GPR89B: variants seen among roughly 807,000 people sequenced by gnomAD.
GPR89B encodes the protein golgi pH regulator B.
In GPR89B, 25 loss-of-function variants were observed where a neutral mutation model predicts 52.4. The ratio of observed to expected loss-of-function variants is 0.48; its 90% CI spans 0.35 to 0.67. The LOEUF is 0.67. Among genes scored for constraint, GPR89B ranks in the 30% least tolerant of loss-of-function variants. The pLI is 0.01. For synonymous variants in GPR89B, 52 were observed against 151.2 expected, an observed-to-expected ratio of 0.34 and a Z score of 4.81; for missense variants, 146 against 450.2, an observed-to-expected ratio of 0.32 and a Z score of 6.11.
chr1:148,000,088 C>G, the GPR89B span, among the ~76,000 whole-genome samples: 1 of 152,110 alleles, frequency 6.6e-6, no homozygotes, highest in Non-Finnish European at 1.5e-5. Flanking sequence ...CAAATCAGGT[C>G]TCACCATGTG....
At chr1:147,970,569 C>A (rs782274888) in intron 10 of GPR89B, among the ~76,000 whole-genome samples, 23,396 of 140,992 alleles carry the variant, frequency 0.17, 1,974 homozygotes, top group South Asian at 0.27. Context: ...CTCTCTCTCT[C>A]TATATATATA....
At chr1:148,012,814 A>G in the GPR89B span, among the ~76,000 whole-genome samples, 8 of 148,876 alleles carry the variant, frequency 5.4e-5, no homozygotes, top group Non-Finnish European at 1.5e-5. Context: ...ATCTCATTAA[A>G]AGTGTATACA....
chr1:147,949,005 A>G lies in GPR89B; in HGVS notation c.416-4340A>G, dbSNP rs200402547. ...TTCAAGCATCTGTTTAACAAAGCAC[A>G]TCTTGCACCACCATTAATCCATTTA... On this transcript the variant is annotated intron_variant, in intron 5 of 13. Transcript: ENST00000314163. 1.6e-3 allele frequency among the ~76,000 whole-genome samples: 237 copies of G among 152,198 alleles called. 1 individual carries two copies. In the East Asian group the frequency reaches 0.034, roughly 22 times the overall value.
the GPR89B span, chr1:148,001,474 CCT>C: frequency 1.6e-5 from 11 of 706,400 alleles, no homozygotes; most frequent in Non-Finnish European, 2.4e-5. Context: ...AAGCCAGCCT[CCT>C]CTGCTGGACT....
the GPR89B span, among the ~76,000 whole-genome samples, chr1:148,017,766 A>AAAATAAAATG: frequency 2.0e-5 from 3 of 150,752 alleles, no homozygotes; most frequent in African/African-American, 4.9e-5. Context: ...AAAATAAAAT[A>AAAATAAAATG]AAATAAAATA....
chr1:147,929,588 C>T (rs1653360160), intron 1 of GPR89B, among the ~76,000 whole-genome samples: 1 of 152,128 alleles, frequency 6.6e-6, no homozygotes, highest in Non-Finnish European at 1.5e-5. Flanking sequence ...TCTCAAACGG[C>T]AAATAACAGA....
intron 10 of GPR89B, among the ~76,000 whole-genome samples, chr1:147,983,414 T>G (rs1658416332): frequency 6.6e-6 from 1 of 152,064 alleles, no homozygotes; most frequent in Non-Finnish European, 1.5e-5. Flanking sequence ...AGAAAATTTT[T>G]GCAACCTACT....
the GPR89B span, among the ~76,000 whole-genome samples, chr1:148,013,826 G>C: frequency 2.0e-5 from 3 of 152,042 alleles, no homozygotes; most frequent in African/African-American, 7.3e-5. Context: ...TCTTTCCCAC[G>C]GGCTGGGGGC....
At chr1:148,012,513 G>A in the GPR89B span, among the ~76,000 whole-genome samples, 15 of 52,430 alleles carry the variant, frequency 2.9e-4, no homozygotes, top group South Asian at 2.3e-3. Flanking sequence ...CCCCACCCCC[G>A]CAGCCCCCTC....
the GPR89B span, among the ~76,000 whole-genome samples, chr1:148,013,315 T>G: frequency 6.6e-6 from 1 of 152,134 alleles, no homozygotes; most frequent in Non-Finnish European, 1.5e-5. Context: ...CAAGCCTCCC[T>G]GCGACCGCAG....
intron 1 of GPR89B, among the ~76,000 whole-genome samples, chr1:147,933,239 C>T (rs1653797195): frequency 6.6e-6 from 1 of 150,998 alleles, no homozygotes; most frequent in African/African-American, 2.4e-5. Context: ...CTTTTTTTCT[C>T]ATTCCTGGCT....
chr1:147,985,159 T>C (rs1658572857), intron 10 of GPR89B, among the ~76,000 whole-genome samples: 3 of 152,220 alleles, frequency 2.0e-5, no homozygotes, highest in Non-Finnish European at 4.4e-5. Flanking sequence ...TATAAACATT[T>C]AGAATCATTG....
chr1:147,949,747 C>T (rs1375878544), intron 5 of GPR89B, among the ~76,000 whole-genome samples: 58 of 139,526 alleles, frequency 4.2e-4, no homozygotes, highest in Admixed American at 2.0e-3. Context: ...TAGGGGCAGC[C>T]GGGCAGAGGC....
At chr1:148,020,378 T>C in the GPR89B span, among the ~76,000 whole-genome samples, 1 of 149,362 alleles carries the variant, frequency 6.7e-6, no homozygotes, top group Non-Finnish European at 1.5e-5. Context: ...TTTTTGTTTG[T>C]CACATCTTGC....
At chr1:147,968,285 C>G (rs1455764753) in intron 8 of GPR89B, 2 of 453,734 alleles carry the variant, frequency 4.4e-6, no homozygotes, top group South Asian at 1.6e-5. Flanking sequence ...CTTTGCATCT[C>G]TATCAATTAA....
the GPR89B span, chr1:148,014,495 GGGGTCAGC>G: frequency 6.6e-6 from 1 of 151,256 alleles, no homozygotes. Context: ...AGAAATCGCA[GGGGTCAGC>G]GGAGCCGAAG....
chr1:147,998,457 AAAT>A (rs1170612955), downstream of GPR89B, among the ~76,000 whole-genome samples: 4 of 150,808 alleles, frequency 2.7e-5, no homozygotes, highest in African/African-American at 9.8e-5. Flanking sequence ...TTTCTCTTTA[AAAT>A]ATGGAAAATT....
intron 1 of GPR89B, among the ~76,000 whole-genome samples, chr1:147,930,080 G>C (rs1330856694): frequency 1.3e-5 from 2 of 152,182 alleles, no homozygotes; most frequent in Non-Finnish European, 2.9e-5. Flanking sequence ...ACGATTTTTA[G>C]CATGGATATA....
the GPR89B span, among the ~76,000 whole-genome samples, chr1:147,999,079 A>G: frequency 6.6e-6 from 1 of 151,602 alleles, no homozygotes; most frequent in East Asian, 1.9e-4. Context: ...TTTTCGATCA[A>G]AGTTCTCTAT....
Sources: allele counts gnomAD v4.1 joint callset (sites outside exome capture counted in the v4.1 genomes callset), GRCh38; gene constraint gnomAD v4.1.1; transcripts MANE v1.5; gene names NCBI Gene and HGNC (gene_info 2026-07-23, HGNC 2026-07-21).